The following RSU1 variants were observed in gnomAD, a reference collection of about 807,000 sequenced individuals.
RSU1 encodes Ras suppressor protein 1.
A neutral mutation model predicts 31.1 loss-of-function variants in RSU1; 26 were observed. That is an observed-to-expected ratio of 0.84 (90% CI 0.61 to 1.16). The LOEUF (loss-of-function observed/expected upper bound fraction) is 1.16, where lower values mean the gene tolerates loss of function less well. Ranked by LOEUF, RSU1 falls within the 50% of genes most tolerant of loss-of-function variation. The probability of loss-of-function intolerance (pLI) is 0.00; values close to 1 mark genes in which losing one functional copy is unlikely to be tolerated. For missense variants in RSU1, 320 were observed against 339.1 expected (o/e 0.94, Z 0.44); for synonymous variants, 164 against 136.3 (o/e 1.20, Z -1.41).
intron 7 of RSU1, among the ~76,000 whole-genome samples, chr10:16,699,016 C>T (rs1211300875): frequency 6.6e-6 from 1 of 152,028 alleles, no homozygotes; most frequent in Non-Finnish European, 1.5e-5. Context: ...ATTAGGGTTC[C>T]CTGGGGAAAA....
chr10:16,593,179 A>T lies in RSU1; in HGVS notation c.*215T>A. The T allele has an allele frequency of 1.2e-6, 1 of 854,760 alleles. No homozygotes were observed. The highest frequency in any genetic ancestry group is 1.6e-6 in the Non-Finnish European group (1 of 619,042). 52.9% of individuals were successfully genotyped at this position (854,760 alleles called of 1,614,324 possible). On this transcript the variant is annotated 3_prime_UTR_variant, in exon 9 of 9. Transcript: ENST00000345264. ...TTTGTTCCCTGCTTTTGGTAATGTT[A>T]AAGAAACAAATGGAAATGGTTTAAA... is the stretch of plus-strand genomic sequence containing the variant.
chr10:16,771,963 G>A (rs776795138), intron 3 of RSU1, among the ~76,000 whole-genome samples: 1 of 152,164 alleles, frequency 6.6e-6, no homozygotes, highest in Non-Finnish European at 1.5e-5. Flanking sequence ...AATAACAATG[G>A]TAATGTACTT....
chr10:16,746,580 C>T (rs1054791356), intron 7 of RSU1, among the ~76,000 whole-genome samples: 4 of 151,576 alleles, frequency 2.6e-5, no homozygotes, highest in African/African-American at 7.3e-5. Flanking sequence ...CACACAACAG[C>T]GGTCTCATCG....
At chr10:16,613,989 G>T (rs760208790) in intron 8 of RSU1, among the ~76,000 whole-genome samples, 20 of 152,134 alleles carry the variant, frequency 1.3e-4, no homozygotes, top group Non-Finnish European at 2.2e-4. Flanking sequence ...CGGATTCAGG[G>T]GTACTCGCAG....
chr10:16,637,480 T>A (rs1434403675), intron 8 of RSU1, among the ~76,000 whole-genome samples: 1 of 151,684 alleles, frequency 6.6e-6, no homozygotes. Context: ...TTTTAACTCA[T>A]AAACCCACTG....
intron 8 of RSU1, among the ~76,000 whole-genome samples, chr10:16,626,864 G>A (rs916551244): frequency 5.9e-5 from 9 of 152,206 alleles, no homozygotes; most frequent in African/African-American, 1.9e-4. Context: ...AGCCAGGCCT[G>A]GAGCATTGGG....
intron 8 of RSU1, among the ~76,000 whole-genome samples, chr10:16,597,503 C>T (rs1430331887): frequency 1.3e-5 from 2 of 152,120 alleles, no homozygotes; most frequent in Non-Finnish European, 2.9e-5. Flanking sequence ...CAATGTTTGC[C>T]TCCCTCTCCG....
intron 2 of RSU1, among the ~76,000 whole-genome samples, chr10:16,789,105 G>A (rs1837859152): frequency 6.6e-6 from 1 of 152,182 alleles, no homozygotes; most frequent in African/African-American, 2.4e-5. Context: ...AGGTTCACGA[G>A]GACAGATTTA....
At chr10:16,658,761 T>C (rs1053112909) in intron 8 of RSU1, among the ~76,000 whole-genome samples, 23 of 152,164 alleles carry the variant, frequency 1.5e-4, no homozygotes, top group Admixed American at 4.6e-4. Context: ...TGGTGCTCGT[T>C]AAGAAGAACA....
intron 2 of RSU1, among the ~76,000 whole-genome samples, chr10:16,792,180 CTG>C (rs1451928122): frequency 1.3e-5 from 2 of 152,214 alleles, no homozygotes; most frequent in Non-Finnish European, 2.9e-5. Context: ...AGCTCACAGA[CTG>C]TGCATTCCGA....
chr10:16,619,411 T>C (rs1436816851), intron 8 of RSU1, among the ~76,000 whole-genome samples: 1 of 152,220 alleles, frequency 6.6e-6, no homozygotes, highest in Admixed American at 6.5e-5. Context: ...ACAACTGCTG[T>C]GATTCACAGT....
chr10:16,702,354 G>A (rs1292589106), intron 7 of RSU1, among the ~76,000 whole-genome samples: 1 of 152,236 alleles, frequency 6.6e-6, no homozygotes, highest in Non-Finnish European at 1.5e-5. Context: ...CTCTAGACCA[G>A]AGAATGGTAG....
intron 3 of RSU1, among the ~76,000 whole-genome samples, chr10:16,774,553 G>A (rs1469595836): frequency 6.6e-6 from 1 of 152,060 alleles, no homozygotes; most frequent in Non-Finnish European, 1.5e-5. Flanking sequence ...CTGGGTGACA[G>A]AGTGAGATCC....
chr10:16,601,263 T>C (rs765025294), intron 8 of RSU1, among the ~76,000 whole-genome samples: 1 of 152,214 alleles, frequency 6.6e-6, no homozygotes, highest in Non-Finnish European at 1.5e-5. Context: ...CTAAGTTATT[T>C]TGACATTCTC....
At chr10:16,693,422 C>G (rs929114688) in intron 8 of RSU1, among the ~76,000 whole-genome samples, 4 of 151,944 alleles carry the variant, frequency 2.6e-5, no homozygotes, top group African/African-American at 9.7e-5. Context: ...TCCCGACCCA[C>G]TGGCCTGGCA....
intron 2 of RSU1, among the ~76,000 whole-genome samples, chr10:16,808,128 G>C (rs908205144): frequency 6.6e-6 from 1 of 151,744 alleles, no homozygotes; most frequent in African/African-American, 2.4e-5. Context: ...TGAGCCCTTC[G>C]GGGCTAGGAT....
chr10:16,676,546 A>C (rs1185570639), intron 8 of RSU1, among the ~76,000 whole-genome samples: 1 of 152,216 alleles, frequency 6.6e-6, no homozygotes, highest in African/African-American at 2.4e-5. Context: ...CAGCCAAACC[A>C]TATCAATCCT....
At chr10:16,785,803 C>T (rs1022170196) in intron 2 of RSU1, among the ~76,000 whole-genome samples, 2 of 151,768 alleles carry the variant, frequency 1.3e-5, no homozygotes, top group Non-Finnish European at 1.5e-5. Context: ...ACTTTGATCG[C>T]GTAAGTCTGC....
intron 8 of RSU1, among the ~76,000 whole-genome samples, chr10:16,659,832 T>C (rs2131525546): frequency 6.6e-6 from 1 of 152,364 alleles, no homozygotes; most frequent in South Asian, 2.1e-4. Context: ...GTTTTTGGTG[T>C]CCACCATGAT....
Sources: gnomAD v4.1 joint callset for allele counts (sites outside exome capture counted in the v4.1 genomes callset) on GRCh38, gnomAD v4.1.1 for gene constraint, MANE v1.5 for transcripts, NCBI Gene and HGNC (gene_info 2026-07-23, HGNC 2026-07-21) for gene names.